Variants in MEMO1 observed in about 807,000 individuals in gnomAD.
MEMO1 encodes the protein protein MEMO1.
A neutral mutation model predicts 45.2 loss-of-function variants in MEMO1; 6 were observed. The ratio of observed to expected loss-of-function variants is 0.13; its 90% confidence interval spans 0.07 to 0.26. The LOEUF (loss-of-function observed/expected upper bound fraction) is 0.26. MEMO1 is among the 10% of genes least tolerant of loss of function. The pLI is 1.00. For missense variants in MEMO1, 184 were observed against 370.5 expected (o/e 0.50, Z 4.13); for synonymous variants, 78 against 124.3 (o/e 0.63, Z 2.48).
chr2:31,886,087 G>A (rs958946985), intron 7 of MEMO1, among the ~76,000 whole-genome samples: 2 of 152,290 alleles, frequency 1.3e-5, no homozygotes, highest in East Asian at 1.9e-4. Flanking sequence ...AATGCACAGA[G>A]AGCCAATGGC....
At chr2:31,926,001 T>C (rs775792429) in intron 4 of MEMO1, among the ~76,000 whole-genome samples, 1 of 152,148 alleles carries the variant, frequency 6.6e-6, no homozygotes, top group Non-Finnish European at 1.5e-5. Context: ...TGGAACAAAA[T>C]TTTTACTTCA....
intron 8 of MEMO1, among the ~76,000 whole-genome samples, chr2:31,874,294 T>C (rs1490459348): frequency 6.6e-6 from 1 of 152,080 alleles, no homozygotes. Context: ...TCTGCTTTAG[T>C]CACAGTAATT....
intron 6 of MEMO1, among the ~76,000 whole-genome samples, chr2:31,906,414 C>A (rs578045940): frequency 1.3e-5 from 2 of 152,168 alleles, no homozygotes; most frequent in South Asian, 2.1e-4. Flanking sequence ...ACCTCCGCCT[C>A]CCAAGTTCAA....
At chr2:31,908,042 A>G (rs922487925) in intron 6 of MEMO1, among the ~76,000 whole-genome samples, 2 of 152,248 alleles carry the variant, frequency 1.3e-5, no homozygotes, top group Admixed American at 1.3e-4. Context: ...AACCACCACA[A>G]AATAGCAAAT....
intron 7 of MEMO1, 68 bp from the exon 8 acceptor site, chr2:31,883,530 T>G: frequency 8.8e-7 from 1 of 1,139,556 alleles, no homozygotes; most frequent in Non-Finnish European, 1.3e-6. Flanking sequence ...AGCAAGCGCT[T>G]ACCAAATAAT....
rs558837905 is a variant in MEMO1, at chr2:31,979,552, A to G, written c.61+30635T>C. On this transcript the variant is annotated intron_variant, in intron 2 of 9. Transcript: ENST00000404530. ...ATCAAAATTTGTGAATCTGCTATGG[A>G]TAAACAGCAGTGGTGACAGCACAAT... Among the ~76,000 whole-genome samples the G allele has an allele frequency of 2.0e-5, 3 of 152,306 alleles. No homozygotes were observed. The East Asian group carries it at 5.8e-4, about 29-fold the overall frequency.
intron 3 of MEMO1, among the ~76,000 whole-genome samples, chr2:31,938,926 G>A (rs1199959555): frequency 1.3e-5 from 2 of 151,182 alleles, no homozygotes; most frequent in African/African-American, 4.9e-5. Context: ...AGCTGGGGCT[G>A]CAGGCTCATG....
chr2:32,009,724 G>C (rs959767391), intron 2 of MEMO1, among the ~76,000 whole-genome samples: 1 of 152,160 alleles, frequency 6.6e-6, no homozygotes, highest in Non-Finnish European at 1.5e-5. Context: ...AAGGGTCCCT[G>C]GCTCGGCAAG....
At chr2:31,996,924 T>C (rs918807555) in intron 2 of MEMO1, among the ~76,000 whole-genome samples, 1 of 152,138 alleles carries the variant, frequency 6.6e-6, no homozygotes, top group Non-Finnish European at 1.5e-5. Flanking sequence ...CAAAAGAACA[T>C]GGAACACTCA....
intron 2 of MEMO1, among the ~76,000 whole-genome samples, chr2:31,973,240 G>A (rs1365850610): frequency 6.6e-6 from 1 of 152,128 alleles, no homozygotes; most frequent in Non-Finnish European, 1.5e-5. Flanking sequence ...GATTACCTGA[G>A]GTCAGGAGTT....
chr2:31,959,197 T>C (rs1462846450), intron 2 of MEMO1, among the ~76,000 whole-genome samples: 2 of 152,102 alleles, frequency 1.3e-5, no homozygotes, highest in African/African-American at 4.8e-5. Context: ...GAGCCTTAAG[T>C]GCAGGAAAAG....
intron 2 of MEMO1, among the ~76,000 whole-genome samples, chr2:31,950,752 A>G (rs1165841189): frequency 6.6e-6 from 1 of 152,010 alleles, no homozygotes; most frequent in Non-Finnish European, 1.5e-5. Context: ...AAATAAAACA[A>G]TGGAAGTAAA....
At chr2:32,002,182 T>TAC (rs1456569960) in intron 2 of MEMO1, among the ~76,000 whole-genome samples, 144 of 120,272 alleles carry the variant, frequency 1.2e-3, no homozygotes, top group African/African-American at 4.2e-3. Context: ...TATATATATA[T>TAC]ATATACACAC....
chr2:31,996,759 C>T (rs920255470), intron 2 of MEMO1, among the ~76,000 whole-genome samples: 3 of 152,144 alleles, frequency 2.0e-5, no homozygotes, highest in Admixed American at 2.0e-4. Flanking sequence ...GAGTCAAGGT[C>T]GTGCTCTGTC....
chr2:31,943,991 G>A (rs1402182235), intron 2 of MEMO1, among the ~76,000 whole-genome samples: 1 of 152,016 alleles, frequency 6.6e-6, no homozygotes, highest in African/African-American at 2.4e-5. Context: ...TTTTTCCACT[G>A]TCCTTCGTCT....
chr2:31,995,325 A>T (rs1572927071), intron 2 of MEMO1, among the ~76,000 whole-genome samples: 1 of 151,906 alleles, frequency 6.6e-6, no homozygotes, highest in Non-Finnish European at 1.5e-5. Context: ...GGTGGTGGGC[A>T]CCTGTAATCC....
At chr2:31,919,876 A>C (rs1682013582) in intron 5 of MEMO1, among the ~76,000 whole-genome samples, 1 of 151,412 alleles carries the variant, frequency 6.6e-6, no homozygotes, top group Non-Finnish European at 1.5e-5. Context: ...GTGTGTTTAT[A>C]TATATACACA....
chr2:31,924,137 C>A (rs1682737574), intron 4 of MEMO1, among the ~76,000 whole-genome samples: 1 of 151,808 alleles, frequency 6.6e-6, no homozygotes, highest in South Asian at 2.1e-4. Context: ...AAAACAAAAC[C>A]AGAAAAAGCT....
intron 2 of MEMO1, among the ~76,000 whole-genome samples, chr2:31,997,651 C>A (rs1002463245): frequency 1.3e-5 from 2 of 152,018 alleles, no homozygotes. Context: ...ACTTGGGGAA[C>A]AGCAAGGAGC....
Sources: gnomAD v4.1 joint callset for allele counts (sites outside exome capture counted in the v4.1 genomes callset) on GRCh38, gnomAD v4.1.1 for gene constraint, MANE v1.5 for transcripts, NCBI Gene and HGNC (gene_info 2026-07-23, HGNC 2026-07-21) for gene names.